The following PLCB4 variants were observed in gnomAD, a reference collection of about 807,000 sequenced individuals.
PLCB4 encodes 1-phosphatidylinositol 4,5-bisphosphate phosphodiesterase beta-4.
Under a neutral mutation model 178.8 loss-of-function variants are expected in PLCB4, and 77 were observed. The ratio of observed to expected loss-of-function variants is 0.43; its 90% CI spans 0.36 to 0.52. The LOEUF is 0.52. Ranked by LOEUF, PLCB4 falls within the 20% of genes least tolerant of loss-of-function variation. PLCB4 has a pLI of 0.00. For synonymous variants in PLCB4, 496 were observed against 490.8 expected (o/e 1.01, Z -0.14); for missense variants, 1,024 against 1,453.4 (o/e 0.70, Z 4.80).
chr20:9,114,192 G>T (rs2091700676), intron 2 of PLCB4, among the ~76,000 whole-genome samples: 1 of 152,084 alleles, frequency 6.6e-6, no homozygotes, highest in African/African-American at 2.4e-5. Flanking sequence ...CTAGCCTGGG[G>T]AACAGAGAGA....
At chr20:9,102,463 T>A (rs2091194271) in intron 2 of PLCB4, among the ~76,000 whole-genome samples, 1 of 152,238 alleles carries the variant, frequency 6.6e-6, no homozygotes, top group African/African-American at 2.4e-5. Flanking sequence ...ATGTAAATGA[T>A]TGCTTGGCAG....
At chr20:9,332,248 A>G (rs909104652) in intron 4 of PLCB4, among the ~76,000 whole-genome samples, 8 of 152,292 alleles carry the variant, frequency 5.3e-5, no homozygotes, top group South Asian at 4.1e-4. Context: ...ATGGGACTTC[A>G]CAATAGCCTG....
intron 2 of PLCB4, among the ~76,000 whole-genome samples, chr20:9,151,840 A>G (rs1600737257): frequency 2.0e-5 from 3 of 152,308 alleles, no homozygotes; most frequent in Admixed American, 2.0e-4. Context: ...AATGTGGGAA[A>G]GTTTGGAACT....
intron 28 of PLCB4, among the ~76,000 whole-genome samples, chr20:9,432,152 G>T (rs112022954): frequency 2.0e-5 from 3 of 152,226 alleles, no homozygotes; most frequent in African/African-American, 7.2e-5. Context: ...GAAAATGCAG[G>T]TTATATAACT....
intron 3 of PLCB4, among the ~76,000 whole-genome samples, chr20:9,288,878 G>T (rs1034060262): frequency 6.6e-6 from 1 of 152,054 alleles, no homozygotes; most frequent in Non-Finnish European, 1.5e-5. Context: ...ACAGTGAGTT[G>T]ACAGTTAGGA....
At chr20:9,450,142 TTTAAG>T (rs1202868931) in intron 32 of PLCB4, among the ~76,000 whole-genome samples, 1 of 152,248 alleles carries the variant, frequency 6.6e-6, no homozygotes, top group African/African-American at 2.4e-5. Context: ...TAAGATTTAC[TTTAAG>T]TTAACACATT....
At chr20:9,398,870 A>C (rs2038810645) in intron 19 of PLCB4, among the ~76,000 whole-genome samples, 1 of 152,206 alleles carries the variant, frequency 6.6e-6, no homozygotes, top group Non-Finnish European at 1.5e-5. Context: ...ACATGATCCC[A>C]CAGCGGGCAA....
At chr20:9,271,138 T>A (rs2094398609) in intron 3 of PLCB4, among the ~76,000 whole-genome samples, 1 of 152,174 alleles carries the variant, frequency 6.6e-6, no homozygotes, top group African/African-American at 2.4e-5. Flanking sequence ...CATCCAGCCT[T>A]TGAGGACTTA....
intron 2 of PLCB4, among the ~76,000 whole-genome samples, chr20:9,203,056 A>AATATATATATATATATATATAT (rs55690764): frequency 1.6e-5 from 2 of 126,160 alleles, no homozygotes; most frequent in Admixed American, 8.1e-5. Flanking sequence ...AAAAAAAAAA[A>AATATATATATATATATATATAT]ATATATATAT....
chr20:9,147,060 T>C (rs1600711472), intron 2 of PLCB4, among the ~76,000 whole-genome samples: 2 of 152,090 alleles, frequency 1.3e-5, no homozygotes, highest in Admixed American at 1.3e-4. Context: ...TGAGAGAAAA[T>C]AAAAGACGTG....
rs1026179581 is a variant in PLCB4, at chr20:9,456,135, C to T, written c.2997-1279C>T. Among the ~76,000 whole-genome samples the T allele has an allele frequency of 6.0e-4, 92 of 152,332 alleles. 3 individuals carry two copies. The highest frequency in any genetic ancestry group is 6.0e-3 in the Admixed American group (92 of 15,302). On this transcript the variant is annotated intron_variant, in intron 33 of 39. Transcript: ENST00000378473. ...ACAAGCGTGAGCCACTGCACCCAGC[C>T]TTCCTGGACTTTTAACTGCAACTGA...
At chr20:9,251,235 C>T (rs924040692) in intron 3 of PLCB4, among the ~76,000 whole-genome samples, 3 of 152,162 alleles carry the variant, frequency 2.0e-5, no homozygotes, top group Non-Finnish European at 4.4e-5. Flanking sequence ...ATACCTAAGT[C>T]ATTTTGTTTG....
chr20:9,420,487 C>T (rs2040555707), intron 26 of PLCB4, among the ~76,000 whole-genome samples: 1 of 152,024 alleles, frequency 6.6e-6, no homozygotes, highest in Admixed American at 6.6e-5. Context: ...CACCGCCACA[C>T]CTGGCTAATT....
intron 2 of PLCB4, among the ~76,000 whole-genome samples, chr20:9,198,275 C>G (rs979089238): frequency 6.6e-6 from 1 of 152,188 alleles, no homozygotes; most frequent in African/African-American, 2.4e-5. Context: ...CATTCCCCCC[C>G]TCTCAAAACA....
At chr20:9,332,306 A>T (rs1301517761) in intron 4 of PLCB4, among the ~76,000 whole-genome samples, 1 of 152,270 alleles carries the variant, frequency 6.6e-6, no homozygotes, top group African/African-American at 2.4e-5. Context: ...GTCAGGAGGG[A>T]TTCATGTGAA....
chr20:9,088,481 T>G (rs921688809), intron 1 of PLCB4, among the ~76,000 whole-genome samples: 3 of 152,308 alleles, frequency 2.0e-5, no homozygotes, highest in African/African-American at 7.2e-5. Flanking sequence ...GTGTTAAACC[T>G]TCAGCTACAT....
At chr20:9,355,664 T>C (rs1310083792) in intron 7 of PLCB4, among the ~76,000 whole-genome samples, 7 of 151,994 alleles carry the variant, frequency 4.6e-5, no homozygotes, top group Non-Finnish European at 1.0e-4. Flanking sequence ...CCATGGTGTA[T>C]ATGTGCCACA....
intron 2 of PLCB4, among the ~76,000 whole-genome samples, chr20:9,209,609 A>C (rs1201262827): frequency 1.3e-5 from 2 of 152,160 alleles, no homozygotes; most frequent in African/African-American, 4.8e-5. Flanking sequence ...GCCATGTGAC[A>C]AGGAGTGTTG....
At chr20:9,231,718 A>G (rs2093935188) in intron 3 of PLCB4, among the ~76,000 whole-genome samples, 1 of 152,154 alleles carries the variant, frequency 6.6e-6, no homozygotes, top group Admixed American at 6.5e-5. Flanking sequence ...TTTTCAGTAC[A>G]TTTACATAAA....
Sources: gnomAD v4.1 joint callset for allele counts (sites outside exome capture counted in the v4.1 genomes callset) on GRCh38, gnomAD v4.1.1 for gene constraint, MANE v1.5 for transcripts, NCBI Gene and HGNC (gene_info 2026-07-23, HGNC 2026-07-21) for gene names.